Variants in ANKS1B observed in about 807,000 individuals in gnomAD.
ANKS1B encodes ankyrin repeat and sterile alpha motif domain-containing protein 1B.
ANKS1B carries 36 observed loss-of-function variants against 148.3 expected under a neutral mutation model. The observed-to-expected ratio is 0.24, with a 90% CI of 0.19 to 0.32. ANKS1B has a LOEUF of 0.32. Among genes scored for constraint, ANKS1B ranks in the 10% least tolerant of loss-of-function variants. The pLI is 1.00. For missense variants in ANKS1B, 1,157 were observed against 1,542.6 expected (o/e 0.75, Z 4.19); for synonymous variants, 542 against 560.8 (o/e 0.97, Z 0.47).
intron 12 of ANKS1B, among the ~76,000 whole-genome samples, chr12:99,383,576 T>C (rs2093731475): frequency 6.6e-6 from 1 of 152,228 alleles, no homozygotes; most frequent in Non-Finnish European, 1.5e-5. Flanking sequence ...ACATAATTCC[T>C]GCTCACTTTT....
intron 1 of ANKS1B, among the ~76,000 whole-genome samples, chr12:99,890,146 C>T (rs966564620): frequency 1.3e-5 from 2 of 152,002 alleles, no homozygotes; most frequent in Non-Finnish European, 2.9e-5. Flanking sequence ...TAATAGATAC[C>T]GTGATGGTTA....
chr12:98,846,410 C>A (rs1455363534), intron 17 of ANKS1B, among the ~76,000 whole-genome samples: 1 of 152,218 alleles, frequency 6.6e-6, no homozygotes, highest in East Asian at 1.9e-4. Flanking sequence ...TTGGCCTAGG[C>A]CAGCCATGGT....
chr12:99,967,823 C>A (rs926260833), intron 1 of ANKS1B, among the ~76,000 whole-genome samples: 10 of 150,530 alleles, frequency 6.6e-5, no homozygotes, highest in African/African-American at 2.2e-4. Flanking sequence ...AGGAGAATCG[C>A]TTGAACCCAG....
chr12:99,925,526 A>C lies in ANKS1B; in HGVS notation c.134+58578T>G, dbSNP rs539254162. Among the ~76,000 whole-genome samples the C allele has an allele frequency of 8.5e-5, 13 of 152,320 alleles. No individual in the cohort carries two copies. The South Asian group carries it at 2.7e-3, about 32-fold the overall frequency. ...ATGGTCTTGGACTCCCAAGCCAAGA[A>C]AGTATATAGTGGTTCTGGGTGTGAT... is the stretch of plus-strand genomic sequence containing the variant. On this transcript the variant is annotated intron_variant, in intron 1 of 26. Transcript: ENST00000683438.
chr12:99,854,205 G>T (rs968589909), intron 1 of ANKS1B, among the ~76,000 whole-genome samples: 1 of 152,158 alleles, frequency 6.6e-6, no homozygotes, highest in Non-Finnish European at 1.5e-5. Context: ...GTAGAGACGG[G>T]GTTTCACTGT....
intron 1 of ANKS1B, among the ~76,000 whole-genome samples, chr12:99,898,858 A>G (rs1049392574): frequency 6.6e-5 from 10 of 152,080 alleles, no homozygotes; most frequent in East Asian, 1.9e-4. Flanking sequence ...TGATGACGAC[A>G]ACAACAACAA....
At chr12:99,635,058 A>C (rs2153408448) in intron 9 of ANKS1B, among the ~76,000 whole-genome samples, 1 of 152,286 alleles carries the variant, frequency 6.6e-6, no homozygotes, top group African/African-American at 2.4e-5. Context: ...AACCACAAAG[A>C]GATGTTACTT....
At chr12:98,903,375 A>G (rs1393737144) in intron 17 of ANKS1B, among the ~76,000 whole-genome samples, 1 of 152,106 alleles carries the variant, frequency 6.6e-6, no homozygotes, top group Non-Finnish European at 1.5e-5. Flanking sequence ...AGAAGATTCC[A>G]TCATGCAGCC....
intron 10 of ANKS1B, among the ~76,000 whole-genome samples, chr12:99,453,086 C>A (rs551079139): frequency 7.9e-5 from 12 of 151,960 alleles, no homozygotes; most frequent in South Asian, 2.1e-4. Flanking sequence ...GTCAGGAGAT[C>A]GAGACCATCC....
intron 14 of ANKS1B, among the ~76,000 whole-genome samples, chr12:99,193,009 T>A (rs991466128): frequency 6.6e-6 from 1 of 152,194 alleles, no homozygotes; most frequent in South Asian, 2.1e-4. Context: ...ATTAACACTT[T>A]AATATATTCT....
intron 12 of ANKS1B, among the ~76,000 whole-genome samples, chr12:99,293,392 C>G (rs564201430): frequency 6.6e-6 from 1 of 152,120 alleles, no homozygotes; most frequent in South Asian, 2.1e-4. Context: ...GGAGAAATAC[C>G]TAATATAAAT....
intron 10 of ANKS1B, among the ~76,000 whole-genome samples, chr12:99,492,990 C>T (rs931868518): frequency 1.3e-5 from 2 of 152,138 alleles, no homozygotes; most frequent in African/African-American, 4.8e-5. Flanking sequence ...AGATAGGATG[C>T]CTTCTCTCAC....
At chr12:99,439,717 T>A (rs1470399156) in intron 11 of ANKS1B, among the ~76,000 whole-genome samples, 1 of 151,706 alleles carries the variant, frequency 6.6e-6, no homozygotes, top group African/African-American at 2.4e-5. Context: ...TGGAACAACT[T>A]TTTTGGAAAG....
At chr12:99,252,831 G>A (rs1344304615) in intron 12 of ANKS1B, among the ~76,000 whole-genome samples, 1 of 152,138 alleles carries the variant, frequency 6.6e-6, no homozygotes, top group Non-Finnish European at 1.5e-5. Flanking sequence ...ACTTGTAGTA[G>A]GCTACAGATC....
chr12:99,417,452 C>T (rs1475324194), intron 11 of ANKS1B, among the ~76,000 whole-genome samples: 1 of 152,162 alleles, frequency 6.6e-6, no homozygotes, highest in Non-Finnish European at 1.5e-5. Flanking sequence ...AGTACTGTAG[C>T]TATAAAATAA....
intron 14 of ANKS1B, among the ~76,000 whole-genome samples, chr12:99,235,007 C>T (rs1006898538): frequency 6.6e-6 from 1 of 152,112 alleles, no homozygotes; most frequent in African/African-American, 2.4e-5. Context: ...AATTGAGGCA[C>T]ACACAGAGCC....
At chr12:99,500,702 T>C (rs1595932561) in intron 10 of ANKS1B, among the ~76,000 whole-genome samples, 1 of 152,210 alleles carries the variant, frequency 6.6e-6, no homozygotes, top group African/African-American at 2.4e-5. Context: ...CAAAGAACTC[T>C]TTGTGAAACA....
chr12:98,866,007 G>T (rs2099622696), intron 17 of ANKS1B, among the ~76,000 whole-genome samples: 1 of 152,056 alleles, frequency 6.6e-6, no homozygotes, highest in African/African-American at 2.4e-5. Context: ...TAGAAAAGTT[G>T]GGGGAGCCTG....
At chr12:99,765,054 T>A (rs530819434) in intron 8 of ANKS1B, among the ~76,000 whole-genome samples, 1 of 152,180 alleles carries the variant, frequency 6.6e-6, no homozygotes, top group Admixed American at 6.5e-5. Flanking sequence ...GCAGGAATGA[T>A]GAAAAGGTGA....
Sources: gnomAD v4.1 joint callset for allele counts (sites outside exome capture counted in the v4.1 genomes callset) on GRCh38, gnomAD v4.1.1 for gene constraint, MANE v1.5 for transcripts, NCBI Gene and HGNC (gene_info 2026-07-23, HGNC 2026-07-21) for gene names.